The following OBP2B variants were observed in gnomAD, a reference collection of about 807,000 sequenced individuals.
The protein encoded by OBP2B is odorant binding protein 2B.
A neutral mutation model predicts 21.7 loss-of-function variants in OBP2B; 10 were observed. The observed-to-expected ratio is 0.46, with a 90% CI of 0.28 to 0.78. The LOEUF (loss-of-function observed/expected upper bound fraction) is 0.78. Among genes scored for constraint, OBP2B ranks in the 30% least tolerant of loss-of-function variants. The pLI is 0.11. For missense variants in OBP2B, 153 were observed against 217.7 expected (o/e 0.70, Z 1.87); for synonymous variants, 73 against 91.5 (o/e 0.80, Z 1.16).
intron 3 of OBP2B, among the ~76,000 whole-genome samples, chr9:133,207,580 A>G (rs1194859494): frequency 6.6e-6 from 1 of 152,132 alleles, no homozygotes; most frequent in Non-Finnish European, 1.5e-5. Flanking sequence ...TCCCAGCTCC[A>G]GCAGCTGCTC....
In OBP2B at chr9:133,208,702, C is replaced by T. The variant is rs192941129; in HGVS notation, c.73-100G>A. 498 of 1,525,060 alleles carry T rather than the reference C, an allele frequency of 3.3e-4. 3 individuals carry two copies. The East Asian group carries it at 6.8e-3, about 21-fold the overall frequency. The allele number at this position is 1,525,060 out of a possible 1,614,324, so 94.5% of individuals were successfully genotyped here. A position where few individuals can be genotyped will look rare whatever the true frequency, so the allele number is the denominator to read the frequency against. ...GCTATAACCAGACACCCATGGTGCC[C>T]GGCTGCTGCCCTTAAAGGCAGGCTG... On this transcript the variant is annotated intron_variant, in intron 1 of 6. Coordinates refer to ENST00000372034, the MANE Select transcript of OBP2B (RefSeq NM_014581.4).
At chr9:133,210,172 A>T (rs1265220985), upstream of OBP2B, among the ~76,000 whole-genome samples, 2 of 151,972 alleles carry the variant, frequency 1.3e-5, no homozygotes, top group Non-Finnish European at 2.9e-5. Context: ...ATCCCCAGCC[A>T]ACCTGAGCCA....
At chr9:133,213,425 G>A (rs1833940100), upstream of OBP2B, among the ~76,000 whole-genome samples, 1 of 152,064 alleles carries the variant, frequency 6.6e-6, no homozygotes, top group Non-Finnish European at 1.5e-5. Context: ...ACAAAGATAA[G>A]AGCAGCAATT....
At chr9:133,210,976 G>A (rs1384416133), upstream of OBP2B, among the ~76,000 whole-genome samples, 7 of 152,284 alleles carry the variant, frequency 4.6e-5, 1 homozygote, top group East Asian at 1.2e-3. Flanking sequence ...GGTGGCTCCT[G>A]TTGGGCTGCC....
chr9:133,220,796 G>T, the OBP2B span, among the ~76,000 whole-genome samples: 8,965 of 152,214 alleles, frequency 0.059, 770 homozygotes, highest in African/African-American at 0.19. Context: ...ATCTGGGTGG[G>T]CCCACTGTTA....
In OBP2B at chr9:133,205,380, G is replaced by C; in HGVS notation, c.*33C>G. Reference sequence around the variant, plus strand: ...GTCCAGGCTCTGTGTCTGGTGGTAGGGTGGGCTCTGGAGGTGCAGACCCGG... The same window carrying C: ...GTCCAGGCTCTGTGTCTGGTGGTAGCGTGGGCTCTGGAGGTGCAGACCCGG... On this transcript the variant is annotated 3_prime_UTR_variant, in exon 7 of 7. Transcript: ENST00000372034. 1 of 1,509,244 alleles carries C rather than the reference G, an allele frequency of 6.6e-7. No individual in the cohort carries two copies. Among genetic ancestry groups the C allele is most frequent in the African/African-American group, 1.4e-5 (1 of 72,454 alleles). 93.5% of individuals were successfully genotyped at this position (1,509,244 alleles called of 1,614,324 possible). A position where few individuals can be genotyped will look rare whatever the true frequency, so the allele number is the denominator to read the frequency against.
intron 2 of OBP2B, 45 bp from the exon 3 acceptor site, chr9:133,208,248 T>C (rs1233944138): frequency 1.2e-5 from 19 of 1,610,656 alleles, no homozygotes; most frequent in Non-Finnish European, 1.5e-5. Context: ...AGGACACCCA[T>C]GGCCCATCCT....
chr9:133,215,842 T>C, the OBP2B span, among the ~76,000 whole-genome samples: 5 of 152,238 alleles, frequency 3.3e-5, no homozygotes, highest in Non-Finnish European at 5.9e-5. Context: ...ATAGCTTTTG[T>C]AGCAAATGGG....
upstream of OBP2B, among the ~76,000 whole-genome samples, chr9:133,213,226 C>T (rs540489111): frequency 6.2e-3 from 939 of 152,136 alleles, 14 homozygotes; most frequent in African/African-American, 0.022. Context: ...GGATACAGAG[C>T]GAGACTCTAC....
chr9:133,216,210 A>G, the OBP2B span, among the ~76,000 whole-genome samples: 690 of 151,312 alleles, frequency 4.6e-3, 4 homozygotes, highest in African/African-American at 0.016. Context: ...TAGTTTCTAT[A>G]CTTTATAAAG....
intron 3 of OBP2B, 37 bp downstream of exon 3, chr9:133,208,096 G>A (rs1833797086): frequency 6.5e-7 from 1 of 1,536,814 alleles, no homozygotes; most frequent in African/African-American, 1.4e-5. Flanking sequence ...GGTTGGCGGT[G>A]GGGGAGGGTG....
chr9:133,217,651 C>A, the OBP2B span, among the ~76,000 whole-genome samples: 1 of 152,194 alleles, frequency 6.6e-6, no homozygotes, highest in South Asian at 2.1e-4. Context: ...GGCTTCCCAG[C>A]CCCAGCCCAC....
At chr9:133,215,681 G>C in the OBP2B span, among the ~76,000 whole-genome samples, 1 of 152,152 alleles carries the variant, frequency 6.6e-6, no homozygotes, top group Non-Finnish European at 1.5e-5. Context: ...ACCATACCCA[G>C]CTACAGGCTA....
upstream of OBP2B, among the ~76,000 whole-genome samples, chr9:133,210,453 C>A (rs1385046824): frequency 6.6e-6 from 1 of 152,106 alleles, no homozygotes; most frequent in Non-Finnish European, 1.5e-5. Flanking sequence ...AACCCCCCAC[C>A]CTCATCCCCC....
chr9:133,220,718 T>C, the OBP2B span, among the ~76,000 whole-genome samples: 1 of 152,184 alleles, frequency 6.6e-6, no homozygotes, highest in Non-Finnish European at 1.5e-5. Context: ...TGTGGATGTG[T>C]GCATGGTAAA....
chr9:133,207,410 T>C (rs1833765248), intron 3 of OBP2B, 74 bp from the exon 4 acceptor site: 1 of 1,042,986 alleles, frequency 9.6e-7, no homozygotes, highest in African/African-American at 1.6e-5. Context: ...CTCGGGAATG[T>C]TTCAGCGGTC....
chr9:133,206,836 G>T (rs1375392662), intron 4 of OBP2B, among the ~76,000 whole-genome samples: 1 of 151,932 alleles, frequency 6.6e-6, no homozygotes, highest in Non-Finnish European at 1.5e-5. Context: ...AGCTCCCAAT[G>T]CCACCCTGCA....
chr9:133,210,025 G>A (rs116411989), upstream of OBP2B, among the ~76,000 whole-genome samples: 487 of 152,128 alleles, frequency 3.2e-3, 2 homozygotes, highest in African/African-American at 0.011. Context: ...CAGCTTTGAC[G>A]GCCCCCAGCC....
At chr9:133,218,028 A>G in the OBP2B span, among the ~76,000 whole-genome samples, 5 of 152,354 alleles carry the variant, frequency 3.3e-5, no homozygotes, top group South Asian at 6.2e-4. Context: ...GTGCTATGGA[A>G]AAAGCAAAGT....
Sources: gnomAD v4.1 joint callset for allele counts (sites outside exome capture counted in the v4.1 genomes callset) on GRCh38, gnomAD v4.1.1 for gene constraint, MANE v1.5 for transcripts, NCBI Gene and HGNC (gene_info 2026-07-23, HGNC 2026-07-21) for gene names.